USP37: variants seen among roughly 807,000 people sequenced by gnomAD.
USP37 encodes the protein ubiquitin carboxyl-terminal hydrolase 37.
A neutral mutation model predicts 124.0 loss-of-function variants in USP37; 27 were observed. The ratio of observed to expected loss-of-function variants is 0.22; its 90% CI spans 0.16 to 0.30. USP37 has a LOEUF of 0.30. USP37 is among the 10% of genes least tolerant of loss of function. The pLI is 1.00. For missense variants in USP37, 889 were observed against 1,140.4 expected, an observed-to-expected ratio of 0.78 and a Z score of 3.17; for synonymous variants, 365 against 388.0, an observed-to-expected ratio of 0.94 and a Z score of 0.70.
chr2:218,487,428 CT>C (rs904008150), intron 15 of USP37, among the ~76,000 whole-genome samples: 17 of 148,222 alleles, frequency 1.1e-4, no homozygotes, highest in South Asian at 2.1e-4. Context: ...TAACAAACTA[CT>C]TTTTTTTTTT....
intron 20 of USP37, among the ~76,000 whole-genome samples, chr2:218,472,187 G>C (rs536594264): frequency 1.3e-5 from 2 of 152,230 alleles, no homozygotes; most frequent in African/African-American, 4.8e-5. Context: ...AGCACAAAAG[G>C]GGAAGTTGCC....
chr2:218,534,781 T>A, intron 8 of USP37, 75 bp from the exon 9 acceptor site: 1 of 966,880 alleles, frequency 1.0e-6, no homozygotes, highest in Non-Finnish European at 1.4e-6. Context: ...TAGTTGTCAT[T>A]AAAACATTTA....
Position 218,495,801 on chromosome 2 carries a change from A to G in USP37, c.1431T>C (p.Thr477=). The G allele has an allele frequency of 6.2e-7, 1 of 1,613,620 alleles. No homozygotes were observed. The highest frequency in any genetic ancestry group is 8.5e-7 in the Non-Finnish European group (1 of 1,179,934). The change falls in exon 14 of 26, where the codon ACT becomes ACC. Residue 477 remains threonine, a synonymous_variant. Transcript: ENST00000258399. ...AGTGCTGAACCTCAAACTCCAAATT[A>G]GTAATAACAGGGCAAGTGTATGCTC... ...ATRAYTCPVI[T]NLEFEVQHSI...
At chr2:218,462,000 T>C (rs952734255) in intron 22 of USP37, among the ~76,000 whole-genome samples, 3 of 151,996 alleles carry the variant, frequency 2.0e-5, no homozygotes, top group African/African-American at 2.4e-5. Flanking sequence ...CTACTAAAAA[T>C]ACAAAATTTA....
chr2:218,512,914 T>C (rs1690079836), intron 10 of USP37, among the ~76,000 whole-genome samples: 2 of 152,190 alleles, frequency 1.3e-5, no homozygotes, highest in Admixed American at 1.3e-4. Flanking sequence ...ATAAATTTTA[T>C]ATAAATTTAG....
chr2:218,499,935 T>C (rs1689282164), intron 11 of USP37, among the ~76,000 whole-genome samples: 1 of 152,016 alleles, frequency 6.6e-6, no homozygotes, highest in South Asian at 2.1e-4. Context: ...TATGCCTGGG[T>C]AATTTTTTAA....
chr2:218,495,405 T>C (rs1046993986), intron 14 of USP37, among the ~76,000 whole-genome samples: 1 of 152,178 alleles, frequency 6.6e-6, no homozygotes, highest in African/African-American at 2.4e-5. Context: ...TCCTCCCAAA[T>C]TGTTGGGATT....
chr2:218,473,801 C>G, intron 20 of USP37, among the ~76,000 whole-genome samples: 1 of 152,184 alleles, frequency 6.6e-6, no homozygotes, highest in East Asian at 1.9e-4. Flanking sequence ...TCATGTGTTG[C>G]TTAATGATGA....
chr2:218,564,921 T>C (rs890407181), intron 1 of USP37, among the ~76,000 whole-genome samples: 3 of 152,124 alleles, frequency 2.0e-5, no homozygotes, highest in Non-Finnish European at 4.4e-5. Flanking sequence ...TATTTTAATA[T>C]TTTCTTTCTT....
intron 1 of USP37, among the ~76,000 whole-genome samples, chr2:218,567,136 G>C (rs1449798680): frequency 6.6e-6 from 1 of 152,094 alleles, no homozygotes; most frequent in African/African-American, 2.4e-5. Flanking sequence ...AAAAGAAGAG[G>C]ACCTAGGACT....
In USP37 at chr2:218,560,802, A is replaced by G. The variant is rs1274137402; in HGVS notation, c.-25+18T>C. On this transcript the variant is annotated intron_variant, in intron 3 of 25. Coordinates refer to ENST00000258399, the MANE Select transcript of USP37 (RefSeq NM_020935.3). Reference sequence around the variant, plus strand: ...ATTCAAATTTATTTTTAACAGCTACAAATCAAACAAAACTCACCTACAGGC... The same window carrying G: ...ATTCAAATTTATTTTTAACAGCTACGAATCAAACAAAACTCACCTACAGGC... 6.6e-6 allele frequency: 1 copy of G among 151,846 alleles called. No homozygotes were observed. Among genetic ancestry groups the G allele is most frequent in the Non-Finnish European group, 1.5e-5 (1 of 68,042 alleles). 9.4% of individuals were successfully genotyped at this position (151,846 alleles called of 1,614,324 possible).
chr2:218,550,332 T>C (rs1265294295), intron 5 of USP37, among the ~76,000 whole-genome samples: 1 of 152,108 alleles, frequency 6.6e-6, no homozygotes, highest in Non-Finnish European at 1.5e-5. Context: ...ACAGGTAAGT[T>C]TATCCAGCAG....
At chr2:218,498,339 A>G (rs914892480) in intron 11 of USP37, 182 bp from the exon 12 acceptor site, 10 of 467,290 alleles carry the variant, frequency 2.1e-5, no homozygotes, top group African/African-American at 2.0e-4. Flanking sequence ...TGTCCAAAAA[A>G]AGAAGGCACA....
chr2:218,549,749 C>T, intron 6 of USP37, 60 bp downstream of exon 6: 3 of 1,517,518 alleles, frequency 2.0e-6, no homozygotes, highest in Non-Finnish European at 2.7e-6. Context: ...CAGGCGTGAG[C>T]CACTGTGCCT....
intron 6 of USP37, among the ~76,000 whole-genome samples, chr2:218,548,261 A>G (rs982610016): frequency 6.6e-6 from 1 of 152,204 alleles, no homozygotes; most frequent in African/African-American, 2.4e-5. Flanking sequence ...TTATACAAAC[A>G]GTAGCATACT....
Position 218,562,789 on chromosome 2 carries a change from A to T in USP37, c.-205T>A. The T allele has an allele frequency of 2.5e-6, 1 of 398,618 alleles. No individual in the cohort carries two copies. The highest frequency in any genetic ancestry group is 4.4e-6 in the Non-Finnish European group (1 of 226,062). The allele number at this position is 398,618 out of a possible 1,614,324, so 24.7% of individuals were successfully genotyped here. ...ACTACTCATATTCTGCAGCTATGCC[A>T]GTTCTCCGGAAGCCATCAACTCAGC... On this transcript the variant is annotated 5_prime_UTR_variant, in exon 2 of 26. Transcript: ENST00000258399.
chr2:218,559,733 G>A (rs1209019283), intron 3 of USP37, among the ~76,000 whole-genome samples: 1 of 152,150 alleles, frequency 6.6e-6, no homozygotes, highest in Non-Finnish European at 1.5e-5. Flanking sequence ...CGGACACAGT[G>A]GCTCATGCCT....
chr2:218,560,627 G>T (rs1429450704), intron 3 of USP37, among the ~76,000 whole-genome samples, 193 bp downstream of exon 3: 1 of 152,120 alleles, frequency 6.6e-6, no homozygotes, highest in Admixed American at 6.5e-5. Flanking sequence ...GACTTAAGCA[G>T]GCAAAATTTG....
intron 5 of USP37, 116 bp downstream of exon 5, chr2:218,553,437 G>T: frequency 2.2e-6 from 2 of 889,456 alleles, no homozygotes; most frequent in Non-Finnish European, 3.1e-6. Flanking sequence ...AATCTTATTT[G>T]CTCATGGTGT....
Sources: allele counts gnomAD v4.1 joint callset (sites outside exome capture counted in the v4.1 genomes callset), GRCh38; gene constraint gnomAD v4.1.1; transcripts MANE v1.5; gene names NCBI Gene and HGNC (gene_info 2026-07-23, HGNC 2026-07-21).